Variants in RNF216 observed in about 807,000 individuals in gnomAD.
The protein encoded by RNF216 is E3 ubiquitin-protein ligase RNF216.
In RNF216, 72 loss-of-function variants were observed where a neutral mutation model predicts 110.8. That is an observed-to-expected ratio of 0.65 (90% CI 0.54 to 0.79). RNF216 has a LOEUF of 0.79. Among genes scored for constraint, RNF216 ranks in the 30% least tolerant of loss-of-function variants. The pLI is 0.00. For synonymous variants in RNF216, 495 were observed against 407.5 expected (o/e 1.21, Z -2.59); for missense variants, 1,342 against 1,141.2 (o/e 1.18, Z -2.54).
At chr7:5,645,084 G>C (rs932748449) in intron 14 of RNF216, among the ~76,000 whole-genome samples, 2 of 152,044 alleles carry the variant, frequency 1.3e-5, no homozygotes, top group African/African-American at 4.8e-5. Context: ...CAAAGTACTG[G>C]GATTACAGGC....
chr7:5,669,065 G>T (rs111617382), intron 13 of RNF216, among the ~76,000 whole-genome samples: 1 of 152,162 alleles, frequency 6.6e-6, no homozygotes, highest in Non-Finnish European at 1.5e-5. Flanking sequence ...GTATTTCAAC[G>T]CAGGCAGGTG....
chr7:5,678,240 A>G (rs566388557), intron 13 of RNF216, among the ~76,000 whole-genome samples: 2 of 152,292 alleles, frequency 1.3e-5, no homozygotes, highest in African/African-American at 2.4e-5. Context: ...CACCAGACCA[A>G]TAAGAAAACC....
intron 13 of RNF216, among the ~76,000 whole-genome samples, chr7:5,686,133 G>T (rs1790968113): frequency 6.7e-6 from 1 of 149,840 alleles, no homozygotes; most frequent in Non-Finnish European, 1.5e-5. Context: ...TGAGGCAGGA[G>T]AATCGCTTGA....
chr7:5,710,195 A>T (rs556696064), intron 13 of RNF216, among the ~76,000 whole-genome samples: 4 of 152,260 alleles, frequency 2.6e-5, no homozygotes, highest in Admixed American at 6.5e-5. Context: ...CCTCATCTCT[A>T]CTAAAAATAT....
chr7:5,693,389 C>T (rs1435476124), intron 13 of RNF216, among the ~76,000 whole-genome samples: 1 of 152,116 alleles, frequency 6.6e-6, no homozygotes, highest in Admixed American at 6.6e-5. Context: ...GGATGCTGAC[C>T]CCCCGGTATG....
chr7:5,742,275 G>A (rs1794800470), intron 3 of RNF216, among the ~76,000 whole-genome samples: 1 of 152,198 alleles, frequency 6.6e-6, no homozygotes, highest in Non-Finnish European at 1.5e-5. Flanking sequence ...TCAAACTCCT[G>A]GCCTCAAGTG....
At chr7:5,665,437 C>T (rs965292783) in intron 13 of RNF216, among the ~76,000 whole-genome samples, 23 of 152,050 alleles carry the variant, frequency 1.5e-4, no homozygotes, top group Non-Finnish European at 8.8e-5. Flanking sequence ...CAGAACCAGG[C>T]TTTGAAAAAA....
chr7:5,763,120 A>G (rs1796019825), intron 1 of RNF216, among the ~76,000 whole-genome samples: 1 of 152,174 alleles, frequency 6.6e-6, no homozygotes, highest in Non-Finnish European at 1.5e-5. Flanking sequence ...GGGGACAAAA[A>G]AAACAACAAC....
At chr7:5,694,144 A>T (rs1287287402) in intron 13 of RNF216, among the ~76,000 whole-genome samples, 1 of 152,256 alleles carries the variant, frequency 6.6e-6, no homozygotes, top group Admixed American at 6.5e-5. Context: ...CTATTGAGAA[A>T]AGAAGAATCC....
chr7:5,623,707 C>G (rs533087118), intron 16 of RNF216, among the ~76,000 whole-genome samples: 47 of 152,104 alleles, frequency 3.1e-4, no homozygotes, highest in Non-Finnish European at 6.2e-4. Flanking sequence ...GAGCTGGGAT[C>G]GCAGATGTGT....
intron 7 of RNF216, among the ~76,000 whole-genome samples, chr7:5,725,647 C>T (rs527471102): frequency 6.6e-6 from 1 of 152,060 alleles, no homozygotes; most frequent in Admixed American, 6.5e-5. Flanking sequence ...GTCAGGAGTT[C>T]GACACCAGTC....
chr7:5,660,943 G>GTTTTGTTTTTTTTTTTTT (rs1554352520), intron 13 of RNF216, among the ~76,000 whole-genome samples: 1 of 90,164 alleles, frequency 1.1e-5, no homozygotes, highest in African/African-American at 5.5e-5. Context: ...GAAGCCTTAG[G>GTTTTGTTTTTTTTTTTTT]TTTTTTTTTT....
chr7:5,683,150 C>CA (rs1790766046), intron 13 of RNF216, among the ~76,000 whole-genome samples: 1 of 152,134 alleles, frequency 6.6e-6, no homozygotes, highest in East Asian at 1.9e-4. Context: ...AAACAAAAAA[C>CA]AGACACCAGA....
chr7:5,628,122 T>C (rs1447091333), intron 15 of RNF216, among the ~76,000 whole-genome samples: 1 of 152,122 alleles, frequency 6.6e-6, no homozygotes, highest in African/African-American at 2.4e-5. Context: ...GGAATAAAAG[T>C]GTCGCATCCT....
At chr7:5,760,142 A>G (rs865885739) in intron 2 of RNF216, among the ~76,000 whole-genome samples, 2 of 152,194 alleles carry the variant, frequency 1.3e-5, no homozygotes, top group South Asian at 2.1e-4. Context: ...TTAACAGGAA[A>G]TTTCACAAAC....
At chr7:5,774,471 CT>C (rs568437125) in intron 1 of RNF216, among the ~76,000 whole-genome samples, 2 of 152,226 alleles carry the variant, frequency 1.3e-5, no homozygotes, top group East Asian at 3.9e-4. Flanking sequence ...AAAATAAAAA[CT>C]TTTTAAAAAC....
chr7:5,754,724 A>T (rs548489157), intron 2 of RNF216, among the ~76,000 whole-genome samples: 1 of 152,146 alleles, frequency 6.6e-6, no homozygotes, highest in Non-Finnish European at 1.5e-5. Flanking sequence ...ATCTTGGTGT[A>T]CCCAATGAAA....
chr7:5,638,428 G>A (rs1158608136), intron 15 of RNF216, among the ~76,000 whole-genome samples: 1 of 152,068 alleles, frequency 6.6e-6, no homozygotes. Flanking sequence ...CTAATTAAGA[G>A]GAACTCCCAG....
chr7:5,638,065 A>G (rs1562777752), intron 15 of RNF216, among the ~76,000 whole-genome samples: 2 of 152,078 alleles, frequency 1.3e-5, no homozygotes, highest in East Asian at 3.9e-4. Context: ...CGCAGTCCCC[A>G]CTATGCCTTC....
Sources: gnomAD v4.1 joint callset for allele counts (sites outside exome capture counted in the v4.1 genomes callset) on GRCh38, gnomAD v4.1.1 for gene constraint, MANE v1.5 for transcripts, NCBI Gene and HGNC (gene_info 2026-07-23, HGNC 2026-07-21) for gene names.